ABCA13: variants seen among roughly 807,000 people sequenced by gnomAD.
The protein encoded by ABCA13 is ATP binding cassette subfamily A member 13.
In ABCA13, 476 loss-of-function variants were observed where a neutral mutation model predicts 478.7. That is an observed-to-expected ratio of 0.99 (90% CI 0.92 to 1.07). The LOEUF is 1.07. ABCA13 is among the 50% of genes least tolerant of loss of function. ABCA13 has a pLI of 0.00. For missense variants in ABCA13, 6,060 were observed against 5,910.6 expected, an observed-to-expected ratio of 1.03 and a Z score of -0.83; for synonymous variants, 2,252 against 2,158.9, an observed-to-expected ratio of 1.04 and a Z score of -1.20.
At chr7:48,227,116 A>G (rs1022758758) in intron 5 of ABCA13, 146 bp from the exon 6 acceptor site, 18 of 737,618 alleles carry the variant, frequency 2.4e-5, no homozygotes, top group African/African-American at 2.3e-4. Flanking sequence ...AGATTGGCAA[A>G]TCTGTTCAAT....
At chr7:48,208,433 T>C (rs1785201294) in intron 3 of ABCA13, among the ~76,000 whole-genome samples, 2 of 152,266 alleles carry the variant, frequency 1.3e-5, no homozygotes, top group South Asian at 2.1e-4. Context: ...TTCCAATCCA[T>C]GAACACGGAA....
chr7:48,435,772 C>T (rs1237848297), intron 42 of ABCA13, among the ~76,000 whole-genome samples: 1 of 151,564 alleles, frequency 6.6e-6, no homozygotes, highest in African/African-American at 2.4e-5. Flanking sequence ...TTGAAATGAC[C>T]ATAGGTTTTA....
intron 41 of ABCA13, among the ~76,000 whole-genome samples, chr7:48,425,477 A>G (rs2129131911): frequency 6.6e-6 from 1 of 152,320 alleles, no homozygotes; most frequent in East Asian, 1.9e-4. Flanking sequence ...TTAATTCCCT[A>G]TAAATGCACT....
chr7:48,297,978 G>T (rs549349429), intron 22 of ABCA13, among the ~76,000 whole-genome samples: 168 of 149,886 alleles, frequency 1.1e-3, no homozygotes, highest in African/African-American at 4.1e-3. Flanking sequence ...TAGAGACAGG[G>T]TTTCACCATG....
At chr7:48,634,496 T>C (rs1047967161) in intron 59 of ABCA13, among the ~76,000 whole-genome samples, 1 of 152,182 alleles carries the variant, frequency 6.6e-6, no homozygotes, top group African/African-American at 2.4e-5. Flanking sequence ...ATCTCTCTTT[T>C]TTTCTTGGTC....
intron 59 of ABCA13, among the ~76,000 whole-genome samples, chr7:48,633,934 A>AGATAGATACATT (rs1794404546): frequency 4.6e-5 from 2 of 43,924 alleles, no homozygotes; most frequent in African/African-American, 1.8e-4. Flanking sequence ...ATAGATACAT[A>AGATAGATACATT]GATAGATAGA....
chr7:48,274,275 C>A lies in ABCA13; in HGVS notation c.4609C>A (p.Pro1537Thr), dbSNP rs763655787. The change falls in exon 17 of 62, where the codon CCT (proline) becomes ACT (threonine). Residue 1537 changes from proline to threonine, a missense_variant. Around this residue, in one of 3 missense-constraint regions of ABCA13, gnomAD observed 4,423 missense variants for 4,309.1 expected, o/e 1.03. Transcript: ENST00000435803. ...ACCAATAGAAATGTCAGATGAAATTCCTAATCAGTTTCAAAATATTTGGCT... is the reference window on the plus strand; with the variant it reads ...ACCAATAGAAATGTCAGATGAAATTACTAATCAGTTTCAAAATATTTGGCT... ...LRPIEMSDEI[P>T]NQFQNIWLHL... 3 of 1,612,990 alleles carry A rather than the reference C, an allele frequency of 1.9e-6. No individual in the cohort carries two copies. In the South Asian group the frequency reaches 3.3e-5, roughly 18 times the overall value.
At chr7:48,355,818 A>G (rs938593033) in intron 31 of ABCA13, among the ~76,000 whole-genome samples, 1 of 152,038 alleles carries the variant, frequency 6.6e-6, no homozygotes, top group Non-Finnish European at 1.5e-5. Flanking sequence ...TAACTATAAT[A>G]GAAAAACTGT....
At chr7:48,294,315 C>T (rs1799020557) in intron 20 of ABCA13, among the ~76,000 whole-genome samples, 1 of 151,860 alleles carries the variant, frequency 6.6e-6, no homozygotes, top group Non-Finnish European at 1.5e-5. Context: ...TATATTAATT[C>T]TCTAGATGTG....
chr7:48,342,624 T>G (rs182484278), intron 29 of ABCA13, among the ~76,000 whole-genome samples: 1 of 152,266 alleles, frequency 6.6e-6, no homozygotes, highest in Admixed American at 6.5e-5. Context: ...TATCTTATAT[T>G]TGGGGAAAGT....
At chr7:48,188,816 T>C (rs148690637) in intron 1 of ABCA13, among the ~76,000 whole-genome samples, 3,904 of 152,266 alleles carry the variant, frequency 0.026, 162 homozygotes, top group African/African-American at 0.089. Flanking sequence ...ATGGAAAGGT[T>C]TATATTCATG....
intron 20 of ABCA13, among the ~76,000 whole-genome samples, chr7:48,292,605 A>G (rs1316955197): frequency 6.6e-6 from 1 of 151,526 alleles, no homozygotes; most frequent in Non-Finnish European, 1.5e-5. Context: ...CCTCCCCGGC[A>G]CTCTCTTCTC....
chr7:48,325,478 C>T (rs79321400), intron 27 of ABCA13, among the ~76,000 whole-genome samples: 1,846 of 152,094 alleles, frequency 0.012, 37 homozygotes, highest in African/African-American at 0.042. Flanking sequence ...AAATATCAGA[C>T]GGTGCTTAAA....
chr7:48,505,845 A>G (rs1366690531), intron 48 of ABCA13, among the ~76,000 whole-genome samples: 2 of 152,238 alleles, frequency 1.3e-5, no homozygotes, highest in African/African-American at 4.8e-5. Context: ...CGCAAGCCCA[A>G]GAAAGCAAAC....
chr7:48,628,011 T>C (rs1224563356), intron 59 of ABCA13, among the ~76,000 whole-genome samples: 11 of 152,218 alleles, frequency 7.2e-5, no homozygotes, highest in East Asian at 3.9e-4. Flanking sequence ...TGCTACCACA[T>C]TGAGGAATTG....
At chr7:48,488,354 G>T (rs1237088704) in intron 47 of ABCA13, among the ~76,000 whole-genome samples, 1 of 151,634 alleles carries the variant, frequency 6.6e-6, no homozygotes, top group East Asian at 1.9e-4. Context: ...ATTAGTTATA[G>T]CATGAAGGGG....
chr7:48,316,726 C>A (rs534936355), intron 26 of ABCA13, among the ~76,000 whole-genome samples: 1 of 152,278 alleles, frequency 6.6e-6, no homozygotes, highest in Non-Finnish European at 1.5e-5. Flanking sequence ...TGTTTCCACT[C>A]ATGGCAGAAA....
chr7:48,179,839 A>G (rs955953606), intron 1 of ABCA13, among the ~76,000 whole-genome samples: 1 of 152,230 alleles, frequency 6.6e-6, no homozygotes, highest in African/African-American at 2.4e-5. Flanking sequence ...AGATGGTGTC[A>G]GAGTATGCTC....
rs146426860 is a variant in ABCA13, at chr7:48,245,052, G to A, written c.1390+349G>A. On this transcript the variant is annotated intron_variant, in intron 11 of 61. Coordinates refer to ENST00000435803, the MANE Select transcript of ABCA13 (RefSeq NM_152701.5). ...GGACCAGAGTGCGTTGTGAATAAGCGTATCTTTTGTATTCTGTTCCTTCTA... is the reference window on the plus strand; with the variant it reads ...GGACCAGAGTGCGTTGTGAATAAGCATATCTTTTGTATTCTGTTCCTTCTA... Among the ~76,000 whole-genome samples, 92 of 152,284 alleles carry A rather than the reference G, an allele frequency of 6.0e-4. No individual in the cohort carries two copies. The East Asian group carries it at 0.014, about 24-fold the overall frequency.
Sources: gnomAD v4.1 joint callset for allele counts (sites outside exome capture counted in the v4.1 genomes callset) on GRCh38, gnomAD v4.1.1 for gene constraint, gnomAD v4.1.1 regional missense constraint, MANE v1.5 for transcripts, NCBI Gene and HGNC (gene_info 2026-07-23, HGNC 2026-07-21) for gene names.